TAFA5: variants seen among roughly 807,000 people sequenced by gnomAD.
The protein encoded by TAFA5 is chemokine-like protein TAFA-5.
A neutral mutation model predicts 15.3 loss-of-function variants in TAFA5; 6 were observed. The ratio of observed to expected loss-of-function variants is 0.39; its 90% CI spans 0.21 to 0.77. TAFA5 has a LOEUF of 0.77. Ranked by LOEUF, TAFA5 falls within the 30% of genes least tolerant of loss-of-function variation. The pLI is 0.41. For missense variants in TAFA5, 161 were observed against 193.1 expected (o/e 0.83, Z 0.98); for synonymous variants, 103 against 80.7 (o/e 1.28, Z -1.48).
chr22:48,600,040 T>A (rs971188595), intron 1 of TAFA5, among the ~76,000 whole-genome samples: 2 of 152,154 alleles, frequency 1.3e-5, no homozygotes, highest in African/African-American at 4.8e-5. Context: ...CTGGTCTTGT[T>A]GTGTCACCCT....
At chr22:48,558,329 G>T (rs899769577) in intron 1 of TAFA5, among the ~76,000 whole-genome samples, 1 of 152,172 alleles carries the variant, frequency 6.6e-6, no homozygotes, top group Non-Finnish European at 1.5e-5. Flanking sequence ...TTAAAGTCTA[G>T]CATTTTACAC....
chr22:48,567,863 G>A (rs767781256), intron 1 of TAFA5, among the ~76,000 whole-genome samples: 4 of 152,222 alleles, frequency 2.6e-5, no homozygotes, highest in Non-Finnish European at 5.9e-5. Flanking sequence ...CCCTGGCTGA[G>A]GCTCAGCCCA....
Position 48,750,183 on chromosome 22 carries a change from C to A in TAFA5, c.*336C>A. The A allele has an allele frequency of 2.4e-6, 1 of 417,192 alleles. No homozygotes were observed. Among genetic ancestry groups the A allele is most frequent in the Non-Finnish European group, 4.4e-6 (1 of 229,776 alleles). 25.8% of individuals were successfully genotyped at this position (417,192 alleles called of 1,614,324 possible). ...GAGGAGGAGGAGGAGGCAGCTCCGG[C>A]AGCCACAGAAGGCTGCAGCCCAGCC... On this transcript the variant is annotated 3_prime_UTR_variant, in exon 4 of 4. Coordinates refer to ENST00000402357, the MANE Select transcript of TAFA5 (RefSeq NM_001082967.3).
intron 1 of TAFA5, among the ~76,000 whole-genome samples, chr22:48,602,356 T>TC (rs550653001): frequency 1.7e-3 from 261 of 152,218 alleles, no homozygotes; most frequent in Non-Finnish European, 2.8e-3. Context: ...GGCTCCAGGG[T>TC]CCCTGGGTGA....
chr22:48,622,741 C>T (rs887554821), intron 1 of TAFA5, among the ~76,000 whole-genome samples: 2 of 152,232 alleles, frequency 1.3e-5, no homozygotes, highest in African/African-American at 4.8e-5. Context: ...GCGGGACAGC[C>T]CACGCTGCAG....
At chr22:48,746,877 C>A (rs188600326) in intron 3 of TAFA5, among the ~76,000 whole-genome samples, 1 of 152,306 alleles carries the variant, frequency 6.6e-6, no homozygotes, top group Admixed American at 6.5e-5. Context: ...CCCCGTCCCA[C>A]CCCGGCAGCC....
chr22:48,519,359 C>A (rs1018836563), intron 1 of TAFA5, among the ~76,000 whole-genome samples: 5 of 152,256 alleles, frequency 3.3e-5, no homozygotes, highest in Admixed American at 1.3e-4. Context: ...ATCTGTTTAT[C>A]GCGCAATCGC....
chr22:48,621,045 C>CA (rs1925811965), intron 1 of TAFA5, among the ~76,000 whole-genome samples: 1 of 119,256 alleles, frequency 8.4e-6, no homozygotes, highest in Admixed American at 8.2e-5. Flanking sequence ...CCCTCCCACC[C>CA]ATCCACCCAC....
intron 1 of TAFA5, among the ~76,000 whole-genome samples, chr22:48,528,629 A>C (rs1921861255): frequency 6.6e-6 from 1 of 152,192 alleles, no homozygotes; most frequent in Non-Finnish European, 1.5e-5. Flanking sequence ...TCAGGTGCTT[A>C]GGGAGTTTGT....
chr22:48,584,167 C>A (rs904815955), intron 1 of TAFA5, among the ~76,000 whole-genome samples: 3 of 148,750 alleles, frequency 2.0e-5, no homozygotes. Flanking sequence ...ATACATCATA[C>A]ACACACCACA....
chr22:48,655,146 G>A (rs1927189914), intron 2 of TAFA5, among the ~76,000 whole-genome samples: 1 of 152,144 alleles, frequency 6.6e-6, no homozygotes, highest in Non-Finnish European at 1.5e-5. Context: ...TCAGCAGCAG[G>A]CATGAGTGGG....
Position 48,489,956 on chromosome 22 carries a change from G to A in TAFA5, c.112+252G>A, listed in dbSNP as rs888612455. ...CCTCCCTTCCCTGACTCCCCGGCAGGGCCCGGGCTCCAGGCCCCGGGTGGC... is the reference window on the plus strand; with the variant it reads ...CCTCCCTTCCCTGACTCCCCGGCAGAGCCCGGGCTCCAGGCCCCGGGTGGC... On this transcript the variant is annotated intron_variant, in intron 1 of 3. Coordinates refer to ENST00000402357, the MANE Select transcript of TAFA5 (RefSeq NM_001082967.3). The surrounding 1 kb of genome is among the most constrained non-coding windows in gnomAD (Gnocchi z 5.5). Among the ~76,000 whole-genome samples, 1 of 151,844 alleles carries A rather than the reference G, an allele frequency of 6.6e-6. No homozygotes were observed. The highest frequency in any genetic ancestry group is 1.5e-5 in the Non-Finnish European group (1 of 67,928).
chr22:48,588,207 C>T (rs1014571432), intron 1 of TAFA5, among the ~76,000 whole-genome samples: 2 of 152,186 alleles, frequency 1.3e-5, no homozygotes, highest in African/African-American at 2.4e-5. Flanking sequence ...AGCACAGGTG[C>T]GTCTGGTGAG....
chr22:48,499,584 G>C (rs1920941886), intron 1 of TAFA5, among the ~76,000 whole-genome samples: 1 of 152,188 alleles, frequency 6.6e-6, no homozygotes, highest in African/African-American at 2.4e-5. Context: ...AGGCTCAGTA[G>C]GGCCCTCCGC....
intron 1 of TAFA5, among the ~76,000 whole-genome samples, chr22:48,611,064 G>C (rs1202841072): frequency 8.6e-5 from 13 of 152,016 alleles, no homozygotes. Flanking sequence ...CTCCCTAGTA[G>C]CTGGGATTAC....
chr22:48,578,856 C>A (rs1923919468), intron 1 of TAFA5, among the ~76,000 whole-genome samples: 1 of 151,848 alleles, frequency 6.6e-6, no homozygotes, highest in Non-Finnish European at 1.5e-5. Flanking sequence ...GTGAGAGGTG[C>A]AGGGAGGGGG....
intron 1 of TAFA5, among the ~76,000 whole-genome samples, chr22:48,557,107 G>A (rs1208727371): frequency 4.6e-5 from 7 of 152,296 alleles, no homozygotes; most frequent in Non-Finnish European, 1.0e-4. Context: ...CAGCAGTAAC[G>A]GCATCAGAAC....
chr22:48,651,244 G>T (rs1011668161), intron 2 of TAFA5, among the ~76,000 whole-genome samples: 1 of 152,232 alleles, frequency 6.6e-6, no homozygotes, highest in Non-Finnish European at 1.5e-5. Context: ...CTCAAGTCTC[G>T]GTCGTGGGCG....
chr22:48,559,542 G>A (rs1388871282), intron 1 of TAFA5, among the ~76,000 whole-genome samples: 1 of 152,116 alleles, frequency 6.6e-6, no homozygotes, highest in Non-Finnish European at 1.5e-5. Flanking sequence ...GAGGAAGGTG[G>A]GCCCCTTCCC....
Sources: allele counts gnomAD v4.1 joint callset (sites outside exome capture counted in the v4.1 genomes callset), GRCh38; gene constraint gnomAD v4.1.1; non-coding constraint Gnocchi (gnomAD v3.1); transcripts MANE v1.5; gene names NCBI Gene and HGNC (gene_info 2026-07-23, HGNC 2026-07-21).